Variants in ADGRL2 observed in about 807,000 individuals in gnomAD.
The protein encoded by ADGRL2 is calcium-independent alpha-latrotoxin receptor 2.
A neutral mutation model predicts 157.4 loss-of-function variants in ADGRL2; 44 were observed. The observed-to-expected ratio is 0.28, with a 90% CI of 0.22 to 0.36. ADGRL2 has a LOEUF of 0.36. ADGRL2 is among the 10% of genes least tolerant of loss of function. ADGRL2 has a pLI of 1.00. For synonymous variants in ADGRL2, 585 were observed against 624.7 expected (o/e 0.94, Z 0.95); for missense variants, 1,510 against 1,768.9 (o/e 0.85, Z 2.63).
At chr1:81,502,509 C>T in intron 2 of ADGRL2, 1 of 1,613,986 alleles carries the variant, frequency 6.2e-7, no homozygotes, top group Non-Finnish European at 8.5e-7. Flanking sequence ...CCCATCATGG[C>T]CAAACAGATC....
chr1:81,722,934 C>A, intron 1 of ADGRL2: 6 of 749,634 alleles, frequency 8.0e-6, no homozygotes, highest in Non-Finnish European at 2.4e-6. Flanking sequence ...GAGGTTCTTG[C>A]AGACATGCAG....
intron 1 of ADGRL2, among the ~76,000 whole-genome samples, chr1:81,714,218 A>C (rs1163940260): frequency 6.6e-6 from 1 of 152,220 alleles, no homozygotes; most frequent in Non-Finnish European, 1.5e-5. Context: ...ACCATATCAG[A>C]TACCTATATA....
intron 1 of ADGRL2, among the ~76,000 whole-genome samples, chr1:81,420,095 G>A (rs1031546075): frequency 5.3e-5 from 8 of 152,030 alleles, no homozygotes; most frequent in African/African-American, 1.7e-4. Flanking sequence ...AAAAAATAGA[G>A]GCAACCTAAC....
chr1:81,509,677 CA>C (rs1364784755), intron 2 of ADGRL2, among the ~76,000 whole-genome samples: 10 of 152,168 alleles, frequency 6.6e-5, no homozygotes, highest in South Asian at 2.1e-4. Flanking sequence ...GCTCAAGTAA[CA>C]AAGCCCTGTT....
At chr1:81,831,879 A>T (rs2091968490) in intron 1 of ADGRL2, among the ~76,000 whole-genome samples, 1 of 152,156 alleles carries the variant, frequency 6.6e-6, no homozygotes, top group South Asian at 2.1e-4. Context: ...AGTGGAAAGA[A>T]TGGCTTTGTA....
chr1:81,869,626 A>G (rs2093638787), intron 2 of ADGRL2, among the ~76,000 whole-genome samples: 1 of 152,080 alleles, frequency 6.6e-6, no homozygotes, highest in Non-Finnish European at 1.5e-5. Flanking sequence ...TTTATAAATA[A>G]TTACAGTTTC....
At chr1:81,413,669 C>T (rs893886112) in intron 1 of ADGRL2, among the ~76,000 whole-genome samples, 3 of 152,106 alleles carry the variant, frequency 2.0e-5, no homozygotes, top group Non-Finnish European at 2.9e-5. Context: ...AAAGATTGGT[C>T]TTTCTACTTG....
At chr1:81,861,465 G>A (rs1369135464) in intron 2 of ADGRL2, among the ~76,000 whole-genome samples, 3 of 152,198 alleles carry the variant, frequency 2.0e-5, no homozygotes, top group Non-Finnish European at 4.4e-5. Flanking sequence ...ATCATGGCAG[G>A]TTCCATATGT....
intron 3 of ADGRL2, among the ~76,000 whole-genome samples, chr1:81,658,243 G>A (rs1049374904): frequency 3.3e-5 from 5 of 151,878 alleles, no homozygotes; most frequent in Admixed American, 6.6e-5. Context: ...TTATAGGCAC[G>A]TGCCACCGCG....
chr1:81,617,457 A>G (rs1158492027), intron 3 of ADGRL2, among the ~76,000 whole-genome samples: 1 of 152,198 alleles, frequency 6.6e-6, no homozygotes, highest in African/African-American at 2.4e-5. Flanking sequence ...AACACCACTC[A>G]CATACATCCT....
At chr1:81,951,233 A>G in intron 8 of ADGRL2, 112 bp downstream of exon 8, 1 of 652,650 alleles carries the variant, frequency 1.5e-6, no homozygotes, top group South Asian at 2.1e-5. Context: ...TGTTCAGTAT[A>G]AAAGTAAAAA....
chr1:81,425,397 T>C (rs188823187), intron 1 of ADGRL2, among the ~76,000 whole-genome samples: 1 of 125,502 alleles, frequency 8.0e-6, no homozygotes, highest in Non-Finnish European at 1.8e-5. Context: ...CAAGAGCAGA[T>C]ATTAGAACCA....
intron 2 of ADGRL2, among the ~76,000 whole-genome samples, chr1:81,473,751 C>T (rs1345822274): frequency 6.6e-6 from 1 of 151,768 alleles, no homozygotes; most frequent in East Asian, 1.9e-4. Flanking sequence ...AGCGCTGCAG[C>T]ATCTTATTTC....
chr1:81,578,658 G>A (rs1160977035), intron 2 of ADGRL2, among the ~76,000 whole-genome samples: 1 of 151,978 alleles, frequency 6.6e-6, no homozygotes, highest in Non-Finnish European at 1.5e-5. Context: ...TAATAAGAAT[G>A]ATAGTATTTA....
intron 2 of ADGRL2, chr1:81,579,325 G>A (rs957929561): frequency 6.6e-6 from 1 of 152,108 alleles, no homozygotes; most frequent in Non-Finnish European, 1.5e-5. Flanking sequence ...TTGGCAATAC[G>A]AGGGGATGTG....
intron 1 of ADGRL2, among the ~76,000 whole-genome samples, chr1:81,754,292 G>A (rs1196679818): frequency 7.1e-6 from 1 of 140,178 alleles, no homozygotes; most frequent in Non-Finnish European, 1.5e-5. Context: ...TTGCTTTGTA[G>A]CTTTGGAAAC....
intron 3 of ADGRL2, among the ~76,000 whole-genome samples, chr1:81,639,385 A>G (rs894888495): frequency 6.6e-6 from 1 of 152,042 alleles, no homozygotes; most frequent in Non-Finnish European, 1.5e-5. Context: ...AGTTCCTTTA[A>G]ATATAAAGAC....
At chr1:81,891,952 G>A (rs992845313) in intron 2 of ADGRL2, among the ~76,000 whole-genome samples, 1 of 139,720 alleles carries the variant, frequency 7.2e-6, no homozygotes, top group Admixed American at 7.3e-5. Flanking sequence ...AATAAGTGTG[G>A]CTAATAAGTG....
chr1:81,975,378 A>G (rs1400950944), intron 17 of ADGRL2, among the ~76,000 whole-genome samples: 2 of 152,098 alleles, frequency 1.3e-5, no homozygotes. Context: ...TTATGTTTAA[A>G]CTTCGTAGTA....
Sources: allele counts gnomAD v4.1 joint callset (sites outside exome capture counted in the v4.1 genomes callset), GRCh38; gene constraint gnomAD v4.1.1; transcripts MANE v1.5; gene names NCBI Gene and HGNC (gene_info 2026-07-23, HGNC 2026-07-21).